SLC25A21: variants seen among roughly 807,000 people sequenced by gnomAD.
SLC25A21 encodes solute carrier family 25 member 21, also known as mitochondrial 2-oxodicarboxylate carrier.
SLC25A21 carries 47 observed loss-of-function variants against 43.8 expected under a neutral mutation model. The ratio of observed to expected loss-of-function variants is 1.07; its 90% CI spans 0.85 to 1.37. The LOEUF (loss-of-function observed/expected upper bound fraction) is 1.37. Ranked by LOEUF, SLC25A21 falls within the 40% of genes most tolerant of loss-of-function variation. SLC25A21 has a pLI of 0.00. For missense variants in SLC25A21, 352 were observed against 350.2 expected (o/e 1.00, Z -0.04); for synonymous variants, 131 against 121.3 (o/e 1.08, Z -0.52).
intron 1 of SLC25A21, among the ~76,000 whole-genome samples, chr14:36,956,897 G>T (rs551229383): frequency 9.9e-5 from 15 of 152,274 alleles, no homozygotes; most frequent in African/African-American, 3.4e-4. Flanking sequence ...AAAGAAGTAT[G>T]TACAAATAAT....
chr14:37,131,899 C>A (rs1963397767), intron 1 of SLC25A21, among the ~76,000 whole-genome samples: 1 of 152,268 alleles, frequency 6.6e-6, no homozygotes, highest in Admixed American at 6.5e-5. Flanking sequence ...GTCTTAAACT[C>A]CTGTGCTTGG....
intron 1 of SLC25A21, among the ~76,000 whole-genome samples, chr14:37,089,392 A>T (rs2138848378): frequency 6.6e-6 from 1 of 152,332 alleles, no homozygotes; most frequent in East Asian, 1.9e-4. Flanking sequence ...GTTTAAGACC[A>T]TGTCACCGTG....
At chr14:37,023,178 T>C (rs1961023659) in intron 1 of SLC25A21, among the ~76,000 whole-genome samples, 1 of 152,034 alleles carries the variant, frequency 6.6e-6, no homozygotes, top group Non-Finnish European at 1.5e-5. Flanking sequence ...CCATCTTTGC[T>C]GTAACTGGTT....
At chr14:36,892,483 G>T (rs865792403) in intron 1 of SLC25A21, among the ~76,000 whole-genome samples, 13 of 152,000 alleles carry the variant, frequency 8.6e-5, no homozygotes, top group African/African-American at 2.7e-4. Flanking sequence ...CAACATGGAT[G>T]GTCTTAGAAG....
intron 1 of SLC25A21, among the ~76,000 whole-genome samples, chr14:36,980,998 C>T (rs1960007237): frequency 6.6e-6 from 1 of 152,022 alleles, no homozygotes; most frequent in South Asian, 2.1e-4. Context: ...AAGAAAAAAT[C>T]AAACAAACCC....
chr14:36,925,614 T>A (rs1055578042), intron 1 of SLC25A21, among the ~76,000 whole-genome samples: 3 of 152,104 alleles, frequency 2.0e-5, no homozygotes, highest in Non-Finnish European at 2.9e-5. Context: ...TGGGAGGCTG[T>A]GGCAGGTGGA....
At chr14:36,884,140 C>T (rs1890846572) in intron 1 of SLC25A21, among the ~76,000 whole-genome samples, 1 of 152,180 alleles carries the variant, frequency 6.6e-6, no homozygotes, top group African/African-American at 2.4e-5. Flanking sequence ...CTTTCCCCAT[C>T]CACTCTTCTC....
chr14:37,146,015 A>G (rs774176256), intron 1 of SLC25A21, among the ~76,000 whole-genome samples: 53 of 152,112 alleles, frequency 3.5e-4, no homozygotes, highest in Non-Finnish European at 6.5e-4. Context: ...AACAGCAATG[A>G]TTCTCCTCAC....
At chr14:37,135,475 C>T (rs1963464962) in intron 1 of SLC25A21, among the ~76,000 whole-genome samples, 1 of 151,034 alleles carries the variant, frequency 6.6e-6, no homozygotes, top group South Asian at 2.1e-4. Context: ...GATCCCCCCA[C>T]CCTCGGCCTC....
At chr14:36,859,607 T>C (rs1003367467) in intron 2 of SLC25A21, among the ~76,000 whole-genome samples, 1 of 152,118 alleles carries the variant, frequency 6.6e-6, no homozygotes, top group Non-Finnish European at 1.5e-5. Context: ...AGATGACAGT[T>C]TGTAGGTATC....
chr14:37,015,574 G>C (rs1370311156), intron 1 of SLC25A21, among the ~76,000 whole-genome samples: 3 of 151,548 alleles, frequency 2.0e-5, no homozygotes, highest in South Asian at 2.1e-4. Context: ...GGATGGCTGG[G>C]TCAAATGGTA....
At chr14:36,821,200 T>C in intron 2 of SLC25A21, among the ~76,000 whole-genome samples, 2 of 152,160 alleles carry the variant, frequency 1.3e-5, no homozygotes, top group Non-Finnish European at 2.9e-5. Flanking sequence ...TCCCACCATG[T>C]ATGTTTCTTT....
At chr14:36,681,278 C>T (rs1882244315) in intron 9 of SLC25A21, among the ~76,000 whole-genome samples, 1 of 152,150 alleles carries the variant, frequency 6.6e-6, no homozygotes, top group Non-Finnish European at 1.5e-5. Flanking sequence ...TGAAAGCTAA[C>T]CTTCATTCCT....
chr14:36,764,091 G>GAGA (rs1566587700), intron 3 of SLC25A21, among the ~76,000 whole-genome samples: 3 of 25,392 alleles, frequency 1.2e-4, no homozygotes, highest in African/African-American at 1.7e-4. Context: ...AAGGAAGGAA[G>GAGA]GAAGGAAGGA....
intron 1 of SLC25A21, chr14:37,171,986 C>A: frequency 4.7e-6 from 2 of 422,992 alleles, no homozygotes; most frequent in Non-Finnish European, 8.4e-6. Flanking sequence ...GCCTCAAAGT[C>A]GCTGCCCTTG....
intron 3 of SLC25A21, among the ~76,000 whole-genome samples, chr14:36,754,447 A>C (rs772226161): frequency 6.6e-6 from 1 of 152,238 alleles, no homozygotes; most frequent in Non-Finnish European, 1.5e-5. Flanking sequence ...AAGTACATTA[A>C]AGGGGAAAAG....
chr14:36,854,351 T>G (rs1889835126), intron 2 of SLC25A21, among the ~76,000 whole-genome samples: 1 of 152,202 alleles, frequency 6.6e-6, no homozygotes. Flanking sequence ...AGTTGGGCCT[T>G]GAAGGATGAG....
intron 3 of SLC25A21, among the ~76,000 whole-genome samples, chr14:36,798,936 G>C (rs1478465495): frequency 6.6e-6 from 1 of 152,062 alleles, no homozygotes; most frequent in Non-Finnish European, 1.5e-5. Context: ...GAGAGAAAGA[G>C]AAATTGATTA....
chr14:36,888,453 T>C (rs538746205), intron 1 of SLC25A21, among the ~76,000 whole-genome samples: 5 of 152,122 alleles, frequency 3.3e-5, no homozygotes, highest in African/African-American at 1.2e-4. Flanking sequence ...GTTTCTATTA[T>C]GTTGACCACA....
Sources: allele counts gnomAD v4.1 joint callset (sites outside exome capture counted in the v4.1 genomes callset), GRCh38; gene constraint gnomAD v4.1.1; transcripts MANE v1.5; gene names NCBI Gene and HGNC (gene_info 2026-07-23, HGNC 2026-07-21).